Variants in DCC observed in about 807,000 individuals in gnomAD.
The protein encoded by DCC is netrin receptor DCC.
DCC carries 58 observed loss-of-function variants against 172.5 expected under a neutral mutation model. The observed-to-expected ratio is 0.34, with a 90% CI of 0.27 to 0.42. The LOEUF (loss-of-function observed/expected upper bound fraction) is 0.42. Ranked by LOEUF, DCC falls within the 10% of genes least tolerant of loss-of-function variation. DCC has a pLI of 1.00. For synonymous variants in DCC, 709 were observed against 644.5 expected (o/e 1.10, Z -1.52); for missense variants, 1,740 against 1,791.0 (o/e 0.97, Z 0.51).
chr18:52,625,912 C>G (rs970720409), intron 1 of DCC, among the ~76,000 whole-genome samples: 1 of 152,176 alleles, frequency 6.6e-6, no homozygotes, highest in African/African-American at 2.4e-5. Flanking sequence ...CCTCCTGTCT[C>G]TCAACTCATC....
intron 2 of DCC, among the ~76,000 whole-genome samples, chr18:52,760,360 C>T (rs2037141349): frequency 6.6e-6 from 1 of 152,166 alleles, no homozygotes; most frequent in Non-Finnish European, 1.5e-5. Flanking sequence ...CCTCCCACAA[C>T]ACGTGGGGAT....
chr18:53,106,377 G>A (rs544262065), intron 7 of DCC, among the ~76,000 whole-genome samples: 1 of 151,850 alleles, frequency 6.6e-6, no homozygotes, highest in Non-Finnish European at 1.5e-5. Context: ...TACTGGGAAG[G>A]TATATATGGT....
chr18:53,513,289 C>T, intron 27 of DCC, among the ~76,000 whole-genome samples: 1 of 152,122 alleles, frequency 6.6e-6, no homozygotes, highest in Non-Finnish European at 1.5e-5. Context: ...ACCAGGCCTG[C>T]CCTAAAAGAA....
intron 7 of DCC, among the ~76,000 whole-genome samples, chr18:53,088,970 A>T (rs1185493220): frequency 6.6e-6 from 1 of 152,240 alleles, no homozygotes; most frequent in Admixed American, 6.5e-5. Context: ...AAGTAACTCT[A>T]TGCAGTTGTG....
At chr18:53,381,560 A>ACCCC (rs747015453) in intron 15 of DCC, among the ~76,000 whole-genome samples, 2 of 93,586 alleles carry the variant, frequency 2.1e-5, no homozygotes, top group African/African-American at 7.7e-5. Flanking sequence ...TTTACCCCCC[A>ACCCC]CCCCCCCCCC....
chr18:53,496,011 G>A (rs950658257), intron 26 of DCC, among the ~76,000 whole-genome samples: 3 of 152,172 alleles, frequency 2.0e-5, no homozygotes, highest in Admixed American at 2.0e-4. Context: ...CTGGGGGAAG[G>A]GGCAGCTATG....
chr18:52,933,438 G>A (rs752658082), intron 5 of DCC, among the ~76,000 whole-genome samples: 1 of 151,776 alleles, frequency 6.6e-6, no homozygotes. Context: ...GTATGAGAAT[G>A]GGGGAGGGAG....
intron 7 of DCC, among the ~76,000 whole-genome samples, chr18:53,115,573 G>A (rs1477420184): frequency 2.6e-5 from 4 of 151,394 alleles, no homozygotes; most frequent in Non-Finnish European, 5.9e-5. Context: ...GCTAGAATTC[G>A]GCCAGTAGTT....
At chr18:52,384,460 C>A (rs1174341913) in intron 1 of DCC, among the ~76,000 whole-genome samples, 1 of 152,144 alleles carries the variant, frequency 6.6e-6, no homozygotes, top group Middle Eastern at 3.2e-3. Flanking sequence ...AACCACATTC[C>A]TGTGGAGACC....
intron 5 of DCC, among the ~76,000 whole-genome samples, chr18:53,045,016 C>G (rs1599062527): frequency 6.6e-6 from 1 of 151,802 alleles, no homozygotes; most frequent in African/African-American, 2.4e-5. Context: ...CAGAAACAAA[C>G]AAGGTAAATA....
intron 1 of DCC, among the ~76,000 whole-genome samples, chr18:52,640,637 C>T (rs755510442): frequency 1.3e-5 from 2 of 151,250 alleles, no homozygotes; most frequent in Non-Finnish European, 3.0e-5. Flanking sequence ...AAAAAAAAAA[C>T]TTAGGAATAT....
intron 2 of DCC, among the ~76,000 whole-genome samples, chr18:52,899,020 C>G (rs1294721245): frequency 6.6e-6 from 1 of 152,138 alleles, no homozygotes; most frequent in Non-Finnish European, 1.5e-5. Context: ...TTCACAAATG[C>G]CTTATGGATA....
intron 21 of DCC, among the ~76,000 whole-genome samples, chr18:53,417,599 A>C (rs532569436): frequency 6.6e-6 from 1 of 152,258 alleles, no homozygotes; most frequent in Non-Finnish European, 1.5e-5. Context: ...ACCTCTCATA[A>C]CCTTCTTTAC....
At chr18:53,337,781 G>A (rs912099527) in intron 14 of DCC, among the ~76,000 whole-genome samples, 12 of 152,206 alleles carry the variant, frequency 7.9e-5, no homozygotes, top group African/African-American at 2.9e-4. Context: ...TATCACTTAA[G>A]CTAGAAGTGG....
At chr18:52,917,054 A>G (rs1487224623) in intron 3 of DCC, among the ~76,000 whole-genome samples, 1 of 143,906 alleles carries the variant, frequency 6.9e-6, no homozygotes, top group Non-Finnish European at 1.5e-5. Context: ...AGGCTGAGAC[A>G]GGCAGATTGC....
chr18:53,332,417 G>GT (rs878960688), intron 14 of DCC, among the ~76,000 whole-genome samples: 5 of 151,940 alleles, frequency 3.3e-5, no homozygotes, highest in Admixed American at 2.6e-4. Context: ...AAAACTTGTG[G>GT]TAGTAACAAA....
At chr18:52,915,817 C>T (rs1249642961) in intron 3 of DCC, among the ~76,000 whole-genome samples, 3 of 152,014 alleles carry the variant, frequency 2.0e-5, no homozygotes, top group Non-Finnish European at 2.9e-5. Flanking sequence ...TTGAGAGATA[C>T]AAAACCATTT....
At chr18:53,395,016 G>T (rs1429720731) in intron 17 of DCC, among the ~76,000 whole-genome samples, 2 of 151,270 alleles carry the variant, frequency 1.3e-5, no homozygotes, top group Non-Finnish European at 2.9e-5. Flanking sequence ...TGGTGGGGGG[G>T]CGGGGCGCCT....
At position 53,410,543 on chromosome 18, in the gene DCC, C is replaced by T; in HGVS notation, c.3027C>T (p.Ile1009=). 6.2e-7 allele frequency: 1 copy of T among 1,607,860 alleles called. No individual in the cohort carries two copies. The highest frequency in any genetic ancestry group is 8.5e-7 in the Non-Finnish European group (1 of 1,174,278). ...TISGDRLTHQ[I]MDLNLDTMYY... is the part of the protein sequence containing the mutation. ...GTGGTGATAGGCTTACTCATCAAAT[C>T]ATGGATCTCAACCTTGATACTATGT... Residue 1009 remains isoleucine, a synonymous_variant, in exon 20 of 29, where the codon ATC becomes ATT. Transcript: ENST00000442544.
Sources: allele counts gnomAD v4.1 joint callset (sites outside exome capture counted in the v4.1 genomes callset), GRCh38; gene constraint gnomAD v4.1.1; transcripts MANE v1.5; gene names NCBI Gene and HGNC (gene_info 2026-07-23, HGNC 2026-07-21).